Variants in NXPE4 observed in about 807,000 individuals in gnomAD.
NXPE4 encodes the protein neurexophilin and PC-esterase domain family member 4.
In NXPE4, 42 loss-of-function variants were observed where a neutral mutation model predicts 33.3. That is an observed-to-expected ratio of 1.26 (90% CI 0.98 to 1.63). NXPE4 has a LOEUF of 1.63. Ranked by LOEUF, NXPE4 falls within the 40% of genes most tolerant of loss-of-function variation. The probability of loss-of-function intolerance (pLI) is 0.00; values close to 1 mark genes in which losing one functional copy is unlikely to be tolerated. For synonymous variants in NXPE4, 253 were observed against 234.9 expected (o/e 1.08, Z -0.71); for missense variants, 709 against 647.6 (o/e 1.09, Z -1.03).
At chr11:114,607,976 G>A in the NXPE4 span, among the ~76,000 whole-genome samples, 1 of 151,416 alleles carries the variant, frequency 6.6e-6, no homozygotes, top group Admixed American at 6.6e-5. Flanking sequence ...GTGTTGCCTC[G>A]TGAGTCACCG....
the NXPE4 span, among the ~76,000 whole-genome samples, chr11:114,653,689 G>T: frequency 6.6e-6 from 1 of 151,782 alleles, no homozygotes; most frequent in Admixed American, 6.6e-5. Context: ...CACTATGCCT[G>T]GCTAATTTTT....
the NXPE4 span, among the ~76,000 whole-genome samples, chr11:114,667,276 T>G: frequency 8.5e-5 from 13 of 152,092 alleles, no homozygotes; most frequent in Admixed American, 2.6e-4. Context: ...TGAGAAAGAG[T>G]AACAGAGTGA....
chr11:114,622,736 C>T, the NXPE4 span, among the ~76,000 whole-genome samples: 2 of 151,514 alleles, frequency 1.3e-5, no homozygotes, highest in Admixed American at 1.3e-4. Flanking sequence ...TCGTGTGTAA[C>T]CACTGTTACC....
chr11:114,648,948 C>CA, the NXPE4 span, among the ~76,000 whole-genome samples: 80,184 of 151,846 alleles, frequency 0.53, 21,440 homozygotes, highest in South Asian at 0.6. Flanking sequence ...TAAGAGGAAA[C>CA]AAAAAAATAT....
chr11:114,611,349 C>A, the NXPE4 span, among the ~76,000 whole-genome samples: 3 of 151,038 alleles, frequency 2.0e-5, no homozygotes, highest in Non-Finnish European at 4.4e-5. Context: ...TCATGGGTAA[C>A]CACTGTTACC....
chr11:114,626,546 G>A, the NXPE4 span, among the ~76,000 whole-genome samples: 3 of 152,034 alleles, frequency 2.0e-5, no homozygotes, highest in South Asian at 2.1e-4. Flanking sequence ...AAAGACCAAA[G>A]GTAGATAAAA....
the NXPE4 span, among the ~76,000 whole-genome samples, chr11:114,657,977 C>T: frequency 6.6e-6 from 1 of 152,142 alleles, no homozygotes; most frequent in Admixed American, 6.5e-5. Context: ...ATTGAACCAA[C>T]TAACTTATTG....
At chr11:114,583,165 A>G in intron 2 of NXPE4, 144 bp from the exon 3 acceptor site, 2 of 868,358 alleles carry the variant, frequency 2.3e-6, no homozygotes. Context: ...TTTACATACT[A>G]TTATCAATAT....
At chr11:114,596,101 A>G (rs939779099), upstream of NXPE4, among the ~76,000 whole-genome samples, 3 of 152,230 alleles carry the variant, frequency 2.0e-5, no homozygotes, top group Non-Finnish European at 2.9e-5. Context: ...TCTAGTTTCC[A>G]TCTAGCGTTA....
the NXPE4 span, among the ~76,000 whole-genome samples, chr11:114,640,874 G>T: frequency 1.3e-5 from 2 of 151,920 alleles, no homozygotes; most frequent in Non-Finnish European, 2.9e-5. Context: ...AAATGTGTAG[G>T]TTACAAATAT....
the NXPE4 span, among the ~76,000 whole-genome samples, chr11:114,637,675 T>C: frequency 1.3e-5 from 2 of 151,060 alleles, no homozygotes; most frequent in Non-Finnish European, 1.5e-5. Flanking sequence ...ACAAAATCTC[T>C]CAGCATTTGC....
intron 2 of NXPE4, among the ~76,000 whole-genome samples, chr11:114,588,247 A>T (rs1414499268): frequency 6.6e-6 from 1 of 150,966 alleles, no homozygotes; most frequent in Non-Finnish European, 1.5e-5. Context: ...AAAACTCCCC[A>T]CTCCCCTAGC....
the NXPE4 span, among the ~76,000 whole-genome samples, chr11:114,617,023 T>A: frequency 6.8e-6 from 1 of 147,304 alleles, no homozygotes; most frequent in African/African-American, 2.7e-5. Flanking sequence ...AATAAGTATT[T>A]CCTCGTGGGT....
chr11:114,638,252 A>C, the NXPE4 span, among the ~76,000 whole-genome samples: 54 of 152,076 alleles, frequency 3.6e-4, no homozygotes, highest in African/African-American at 1.3e-3. Context: ...CCAGTTGATC[A>C]CATCAGCTCC....
the NXPE4 span, among the ~76,000 whole-genome samples, chr11:114,646,216 T>C: frequency 6.6e-6 from 1 of 152,042 alleles, no homozygotes; most frequent in Non-Finnish European, 1.5e-5. Flanking sequence ...GTGTAATCAC[T>C]GCTATGGAAT....
chr11:114,612,908 C>T, the NXPE4 span, among the ~76,000 whole-genome samples: 1 of 151,888 alleles, frequency 6.6e-6, no homozygotes, highest in African/African-American at 2.4e-5. Context: ...GCACTGTTAC[C>T]CGGTGGATAA....
chr11:114,618,729 G>A, the NXPE4 span, among the ~76,000 whole-genome samples: 1 of 152,010 alleles, frequency 6.6e-6, no homozygotes, highest in Non-Finnish European at 1.5e-5. Context: ...CTTACCCTGT[G>A]GAAAATAAGT....
At chr11:114,669,701 G>T in the NXPE4 span, among the ~76,000 whole-genome samples, 1 of 152,018 alleles carries the variant, frequency 6.6e-6, no homozygotes. Flanking sequence ...AGGAAGAGAG[G>T]CAGGTCATAG....
chr11:114,663,411 G>C, the NXPE4 span, among the ~76,000 whole-genome samples: 1 of 152,056 alleles, frequency 6.6e-6, no homozygotes. Context: ...AACAAAAAAC[G>C]GGTGTGGGTT....
Sources: allele counts gnomAD v4.1 joint callset (sites outside exome capture counted in the v4.1 genomes callset), GRCh38; gene constraint gnomAD v4.1.1; transcripts MANE v1.5; gene names NCBI Gene and HGNC (gene_info 2026-07-23, HGNC 2026-07-21).